WWOX: variants seen among roughly 807,000 people sequenced by gnomAD.
WWOX encodes WW domain-containing oxidoreductase.
A neutral mutation model predicts 46.2 loss-of-function variants in WWOX; 69 were observed. The observed-to-expected ratio is 1.49, with a 90% CI of 1.23 to 1.82. WWOX has a LOEUF of 1.82. WWOX is among the 40% of genes most tolerant of loss of function. WWOX has a pLI of 0.00. For synonymous variants in WWOX, 359 were observed against 202.6 expected, an observed-to-expected ratio of 1.77 and a Z score of -6.56; for missense variants, 919 against 542.6, an observed-to-expected ratio of 1.69 and a Z score of -6.89.
chr16:78,464,387 C>G (rs2084024467), intron 8 of WWOX, among the ~76,000 whole-genome samples: 1 of 151,954 alleles, frequency 6.6e-6, no homozygotes, highest in Non-Finnish European at 1.5e-5. Flanking sequence ...GGTAGAGAGG[C>G]AGGGAGATAA....
At chr16:78,429,219 G>A (rs1485346688) in intron 7 of WWOX, among the ~76,000 whole-genome samples, 3 of 152,192 alleles carry the variant, frequency 2.0e-5, no homozygotes, top group South Asian at 2.1e-4. Context: ...TGACAGAGGA[G>A]CAATGTACAG....
intron 8 of WWOX, among the ~76,000 whole-genome samples, chr16:78,529,003 G>C (rs2043554270): frequency 6.7e-6 from 1 of 150,026 alleles, no homozygotes; most frequent in African/African-American, 2.5e-5. Flanking sequence ...GCCCAGGCCG[G>C]AGTACAGTGG....
intron 8 of WWOX, among the ~76,000 whole-genome samples, chr16:78,516,185 A>C (rs2043231956): frequency 6.6e-6 from 1 of 152,166 alleles, no homozygotes; most frequent in Non-Finnish European, 1.5e-5. Flanking sequence ...CACAGCTGAC[A>C]GCGCCCCGGG....
intron 5 of WWOX, among the ~76,000 whole-genome samples, chr16:78,301,909 A>G (rs1010482324): frequency 6.6e-6 from 1 of 151,802 alleles, no homozygotes; most frequent in Non-Finnish European, 1.5e-5. Context: ...TCTTCTACCC[A>G]TAAGTTTGGT....
intron 8 of WWOX, among the ~76,000 whole-genome samples, chr16:79,101,938 T>G (rs760603277): frequency 6.7e-6 from 1 of 149,954 alleles, no homozygotes; most frequent in Non-Finnish European, 1.5e-5. Flanking sequence ...AGATCCAAGC[T>G]AAACAATTCT....
At chr16:78,837,467 A>G (rs1203055015) in intron 8 of WWOX, among the ~76,000 whole-genome samples, 3 of 152,326 alleles carry the variant, frequency 2.0e-5, no homozygotes, top group South Asian at 4.1e-4. Flanking sequence ...ACAAATATGG[A>G]TGTCACTTAT....
At chr16:78,897,328 A>G (rs1597121257) in intron 8 of WWOX, 1 of 151,894 alleles carries the variant, frequency 6.6e-6, no homozygotes, top group Non-Finnish European at 1.5e-5. Flanking sequence ...CTCCTTTCCA[A>G]TAAATCCTTT....
chr16:78,654,842 G>A (rs187501967), intron 8 of WWOX, among the ~76,000 whole-genome samples: 8 of 151,886 alleles, frequency 5.3e-5, no homozygotes, highest in Admixed American at 1.3e-4. Flanking sequence ...CAGTAGGGTC[G>A]TAAGGTCCCG....
chr16:78,379,676 C>G (rs2081911606), intron 5 of WWOX, among the ~76,000 whole-genome samples: 3 of 152,150 alleles, frequency 2.0e-5, no homozygotes, highest in Admixed American at 1.3e-4. Context: ...AGCAGACCAA[C>G]TACTTGGGTT....
At chr16:78,317,377 A>G (rs920933525) in intron 5 of WWOX, among the ~76,000 whole-genome samples, 1 of 152,094 alleles carries the variant, frequency 6.6e-6, no homozygotes, top group African/African-American at 2.4e-5. Flanking sequence ...TTACAGTGTG[A>G]TGGAGACTGG....
intron 5 of WWOX, among the ~76,000 whole-genome samples, chr16:78,348,442 C>A (rs1168186832): frequency 8.3e-6 from 1 of 121,072 alleles, no homozygotes; most frequent in Non-Finnish European, 2.0e-5. Context: ...GAGCTCGATA[C>A]ATATACTGAT....
intron 8 of WWOX, among the ~76,000 whole-genome samples, chr16:78,742,228 C>T (rs116051375): frequency 0.011 from 1,682 of 152,272 alleles, 32 homozygotes; most frequent in African/African-American, 0.039. Flanking sequence ...GTGCTCAAAA[C>T]TTATTTTTAC....
chr16:78,422,710 T>TATAC (rs1267710329), intron 6 of WWOX, among the ~76,000 whole-genome samples: 25 of 83,894 alleles, frequency 3.0e-4, no homozygotes, highest in East Asian at 9.5e-4. Context: ...CATATATATA[T>TATAC]ACACACACAC....
chr16:78,282,295 G>A (rs190608235), intron 5 of WWOX, among the ~76,000 whole-genome samples: 5 of 152,280 alleles, frequency 3.3e-5, no homozygotes, highest in East Asian at 3.9e-4. Flanking sequence ...TCCTTTTATG[G>A]TTCTGACGTT....
At chr16:78,867,725 A>C (rs1220940188) in intron 8 of WWOX, among the ~76,000 whole-genome samples, 1 of 152,010 alleles carries the variant, frequency 6.6e-6, no homozygotes, top group African/African-American at 2.4e-5. Flanking sequence ...AGTTTCTTAA[A>C]GTCCTACAAC....
chr16:79,088,969 G>A (rs1241844763), intron 8 of WWOX, among the ~76,000 whole-genome samples: 1 of 152,174 alleles, frequency 6.6e-6, no homozygotes, highest in Non-Finnish European at 1.5e-5. Flanking sequence ...TGTAATGAGG[G>A]AGTATAGGAT....
At chr16:78,197,032 A>G (rs888798537) in intron 5 of WWOX, among the ~76,000 whole-genome samples, 1 of 152,224 alleles carries the variant, frequency 6.6e-6, no homozygotes, top group Non-Finnish European at 1.5e-5. Context: ...GTGATATTGC[A>G]TTGCAAATAA....
At chr16:78,382,730 C>T (rs72796074) in intron 5 of WWOX, among the ~76,000 whole-genome samples, 8,135 of 152,168 alleles carry the variant, frequency 0.053, 283 homozygotes, top group East Asian at 0.12. Context: ...GGTGATGGAA[C>T]AGTTCTATGT....
chr16:78,801,839 G>C (rs1400562308), intron 8 of WWOX, among the ~76,000 whole-genome samples: 1 of 152,142 alleles, frequency 6.6e-6, no homozygotes, highest in East Asian at 1.9e-4. Flanking sequence ...AATTTAAACT[G>C]AATGTTGATA....
Sources: allele counts gnomAD v4.1 joint callset (sites outside exome capture counted in the v4.1 genomes callset), GRCh38; gene constraint gnomAD v4.1.1; transcripts MANE v1.5; gene names NCBI Gene and HGNC (gene_info 2026-07-23, HGNC 2026-07-21).